Variants in ACSM6 observed in about 807,000 individuals in gnomAD.
ACSM6 encodes acyl-coenzyme A synthetase ACSM6, mitochondrial.
In ACSM6, 35 loss-of-function variants were observed where a neutral mutation model predicts 51.1. That is an observed-to-expected ratio of 0.69 (90% CI 0.52 to 0.91). The LOEUF (loss-of-function observed/expected upper bound fraction) is 0.91. ACSM6 is among the 40% of genes least tolerant of loss of function. ACSM6 has a pLI of 0.00. For missense variants in ACSM6, 509 were observed against 584.1 expected (o/e 0.87, Z 1.32); for synonymous variants, 172 against 207.3 (o/e 0.83, Z 1.46).
At chr10:95,196,394 G>A (rs2034725007) in intron 2 of ACSM6, among the ~76,000 whole-genome samples, 1 of 152,120 alleles carries the variant, frequency 6.6e-6, no homozygotes, top group Non-Finnish European at 1.5e-5. Context: ...AGTCACTTGG[G>A]GCATCAATCA....
rs1413731669 is a variant in ACSM6 at position 95,215,751 on chromosome 10, G to A, written c.1119+776G>A. Among the ~76,000 whole-genome samples, 3 of 152,178 alleles carry A rather than the reference G, an allele frequency of 2.0e-5. No individual in the cohort carries two copies. In the East Asian group the frequency reaches 5.8e-4, roughly 29 times the overall value. On this transcript the variant is annotated intron_variant, in intron 8 of 10. Transcript: ENST00000341686. ...AGATTGAGTGGCTTAAACAACCAAA[G>A]TTATTTTTCTCACAGTTCTAGAGGC...
intron 4 of ACSM6, among the ~76,000 whole-genome samples, chr10:95,208,260 G>A (rs1391903234): frequency 6.6e-6 from 1 of 152,158 alleles, no homozygotes; most frequent in Non-Finnish European, 1.5e-5. Flanking sequence ...TTATAAGTGG[G>A]AACTAAATAA....
rs757124613 is a variant in ACSM6 at position 95,219,961 on chromosome 10, A to T, written c.1190A>T (p.Tyr397Phe). 7 of 1,610,462 alleles carry T rather than the reference A, an allele frequency of 4.3e-6. No individual in the cohort carries two copies. In the Admixed American group the frequency reaches 1.2e-4, roughly 27 times the overall value. ...TCTCTGGGGAAGCCATTGCCACCTT[A>T]TATTGTCCAGGTAGGAGATCATAGT... The change falls in exon 9 of 11, where the codon TAT becomes TTT. Residue 397 changes from tyrosine to phenylalanine, a missense_variant. Coordinates refer to ENST00000341686, the Ensembl canonical transcript of ACSM6.
chr10:95,205,022 G>A lies in ACSM6; in HGVS notation c.404-2186G>A, dbSNP rs143311790. ...TTGGTGGCATCCAGAAAGCTGCACAGTGATGGCTCTAACAACACATGCATC... is the reference window on the plus strand; with the variant it reads ...TTGGTGGCATCCAGAAAGCTGCACAATGATGGCTCTAACAACACATGCATC... On this transcript the variant is annotated intron_variant, in intron 3 of 10. Coordinates refer to ENST00000341686, the Ensembl canonical transcript of ACSM6. Among the ~76,000 whole-genome samples the A allele has an allele frequency of 2.3e-3, 355 of 152,298 alleles. 3 individuals carry two copies. Among genetic ancestry groups the A allele is most frequent in the African/African-American group, 7.8e-3 (326 of 41,566 alleles).
intron 5 of ACSM6, 147 bp downstream of exon 5, chr10:95,210,940 C>T: frequency 1.1e-6 from 1 of 945,816 alleles, no homozygotes; most frequent in East Asian, 2.8e-5. Flanking sequence ...GCTGAGGGCC[C>T]CAAAAGATGA....
chr10:95,202,318 G>GAA, intron 3 of ACSM6, 123 bp downstream of exon 3: 3 of 908,940 alleles, frequency 3.3e-6, no homozygotes, highest in Non-Finnish European at 3.4e-6. Flanking sequence ...CACAGTGTGG[G>GAA]GGATCTTTAA....
rs190364519 is a variant in ACSM6, at chr10:95,222,545, C to T, written c.1200+2574C>T. Among the ~76,000 whole-genome samples the T allele has an allele frequency of 1.1e-4, 16 of 151,564 alleles. No homozygotes were observed. The Middle Eastern group carries it at 0.01, about 97-fold the overall frequency. Reference sequence around the variant, plus strand: ...GGCTGAGGCAGGAGAATCACTTGAACGCGGGAGGTGCAGGTTGTAGTGAGC... The same window carrying T: ...GGCTGAGGCAGGAGAATCACTTGAATGCGGGAGGTGCAGGTTGTAGTGAGC... On this transcript the variant is annotated intron_variant, in intron 9 of 10. Transcript: ENST00000341686.
chr10:95,220,254 C>A (rs1163254873), intron 9 of ACSM6, among the ~76,000 whole-genome samples: 1 of 152,072 alleles, frequency 6.6e-6, no homozygotes, highest in East Asian at 1.9e-4. Context: ...AAAAAAATTG[C>A]TATTAAAAAG....
chr10:95,197,481 A>C (rs1279266080), intron 2 of ACSM6, among the ~76,000 whole-genome samples: 3 of 152,144 alleles, frequency 2.0e-5, no homozygotes, highest in African/African-American at 4.8e-5. Flanking sequence ...TCTATGTCAT[A>C]ATTAAGTCAA....
intron 3 of ACSM6, among the ~76,000 whole-genome samples, chr10:95,204,357 A>C (rs918319409): frequency 2.0e-5 from 3 of 152,126 alleles, no homozygotes; most frequent in African/African-American, 7.2e-5. Flanking sequence ...TTCGGGACCA[A>C]CCTGGCCAAC....
intron 3 of ACSM6, among the ~76,000 whole-genome samples, chr10:95,203,857 T>TAAAAA (rs34969526): frequency 9.4e-6 from 1 of 106,866 alleles, no homozygotes. Flanking sequence ...ATGCTAGATT[T>TAAAAA]AAAAAAAAAA....
chr10:95,219,837 T>C, intron 8 of ACSM6, 54 bp from the exon 9 acceptor site: 1 of 1,301,442 alleles, frequency 7.7e-7, no homozygotes, highest in Admixed American at 1.7e-5. Flanking sequence ...AATAACTAGA[T>C]CCATTAATTT....
At chr10:95,217,153 T>G (rs1303224742) in intron 8 of ACSM6, among the ~76,000 whole-genome samples, 1 of 150,180 alleles carries the variant, frequency 6.7e-6, no homozygotes, top group South Asian at 2.1e-4. Flanking sequence ...ATTGAGACCA[T>G]CCTGGCCAAC....
intron 9 of ACSM6, among the ~76,000 whole-genome samples, chr10:95,223,159 GACACACACACACACAC>G (rs10572248): frequency 6.8e-6 from 1 of 146,796 alleles, no homozygotes; most frequent in Non-Finnish European, 1.5e-5. Context: ...CACACATACA[GACACACACACACACAC>G]ACACACACAC....
intron 1 of ACSM6, 48 bp from the exon 2 acceptor site, chr10:95,194,417 C>A: frequency 7.4e-7 from 1 of 1,358,128 alleles, no homozygotes; most frequent in South Asian, 1.3e-5. Flanking sequence ...CAGTGATTAT[C>A]CCTCTGAGCT....
intron 2 of ACSM6, among the ~76,000 whole-genome samples, chr10:95,200,587 AAAGAAG>A (rs960056800): frequency 6.3e-5 from 8 of 126,970 alleles, no homozygotes; most frequent in Admixed American, 1.6e-4. Context: ...GAAGATGAAG[AAAGAAG>A]AAGAAGAAGG....
intron 8 of ACSM6, among the ~76,000 whole-genome samples, chr10:95,217,997 A>T (rs1589497029): frequency 6.6e-6 from 1 of 152,252 alleles, no homozygotes; most frequent in East Asian, 1.9e-4. Context: ...CAAAGAGTTG[A>T]CATTTTCAGC....
exon 10 of ACSM6, chr10:95,225,331 A>G (rs1164048620): frequency 6.4e-7 from 1 of 1,551,828 alleles, no homozygotes; most frequent in African/African-American, 1.4e-5. Flanking sequence ...CAGGGGAAGA[A>G]GGAAATATTG....
At chr10:95,228,482 C>G in intron 10 of ACSM6, 162 bp from the exon 11 acceptor site, 1 of 596,222 alleles carries the variant, frequency 1.7e-6, no homozygotes, top group Non-Finnish European at 2.6e-6. Flanking sequence ...AAGGAAAGTT[C>G]TCCGTGTTTG....
Sources: allele counts gnomAD v4.1 joint callset (sites outside exome capture counted in the v4.1 genomes callset), GRCh38; gene constraint gnomAD v4.1.1; transcripts MANE v1.5; gene names NCBI Gene and HGNC (gene_info 2026-07-23, HGNC 2026-07-21).